Variants in MYLK observed in about 807,000 individuals in gnomAD.
The protein encoded by MYLK is myosin light chain kinase, also known as myosin light chain kinase, smooth muscle.
In MYLK, 106 loss-of-function variants were observed where a neutral mutation model predicts 203.4. The ratio of observed to expected loss-of-function variants is 0.52; its 90% CI spans 0.45 to 0.61. The LOEUF (loss-of-function observed/expected upper bound fraction) is 0.61, where lower values mean the gene tolerates loss of function less well. Among genes scored for constraint, MYLK ranks in the 20% least tolerant of loss-of-function variants. MYLK has a pLI of 0.00. For synonymous variants in MYLK, 867 were observed against 959.5 expected, an observed-to-expected ratio of 0.90 and a Z score of 1.78; for missense variants, 2,072 against 2,442.3, an observed-to-expected ratio of 0.85 and a Z score of 3.20.
chr3:123,620,577 G>A (rs2107894596), intron 31 of MYLK: 3 of 1,331,876 alleles, frequency 2.3e-6, no homozygotes, highest in South Asian at 1.6e-5. Context: ...GTGCGTTAAT[G>A]TGACTAAACA....
chr3:123,866,006 C>T (rs76841243), intron 2 of MYLK, among the ~76,000 whole-genome samples: 1 of 152,128 alleles, frequency 6.6e-6, no homozygotes, highest in South Asian at 2.1e-4. Flanking sequence ...CCCAGCTGAG[C>T]CCAGCCTTCA....
At chr3:123,835,163 A>C (rs1024350923) in intron 2 of MYLK, among the ~76,000 whole-genome samples, 1 of 152,234 alleles carries the variant, frequency 6.6e-6, no homozygotes, top group Non-Finnish European at 1.5e-5. Context: ...CTTGTTAGAA[A>C]TGCAGATTAT....
intron 4 of MYLK, among the ~76,000 whole-genome samples, chr3:123,763,078 C>T (rs1456793935): frequency 1.3e-5 from 2 of 152,192 alleles, no homozygotes; most frequent in East Asian, 1.9e-4. Context: ...TTGTGGTCTT[C>T]ACTACATTCT....
At chr3:123,803,843 G>A (rs2065277113) in intron 3 of MYLK, among the ~76,000 whole-genome samples, 1 of 152,238 alleles carries the variant, frequency 6.6e-6, no homozygotes, top group African/African-American at 2.4e-5. Context: ...CCACACCTGT[G>A]CAGTGATTCT....
At chr3:123,638,827 G>T in intron 28 of MYLK, 1 of 985,360 alleles carries the variant, frequency 1.0e-6, no homozygotes, top group Non-Finnish European at 1.2e-6. Flanking sequence ...TCAACCCCAG[G>T]GTGGTACCTC....
intron 2 of MYLK, among the ~76,000 whole-genome samples, chr3:123,856,526 G>T (rs909818590): frequency 6.6e-6 from 1 of 152,122 alleles, no homozygotes; most frequent in Non-Finnish European, 1.5e-5. Flanking sequence ...AATAATAACA[G>T]CCTTTATTTA....
chr3:123,620,648 T>G (rs2057805628), intron 31 of MYLK: 1 of 1,137,968 alleles, frequency 8.8e-7, no homozygotes, highest in African/African-American at 1.6e-5. Flanking sequence ...AAAGGGATGG[T>G]TTATATAAAG....
At chr3:123,733,479 C>G (rs41305000) in intron 10 of MYLK, among the ~76,000 whole-genome samples, 12 of 152,266 alleles carry the variant, frequency 7.9e-5, no homozygotes, top group Non-Finnish European at 1.5e-4. Flanking sequence ...AAACAACAGG[C>G]TACTGTTAGG....
At position 123,648,525 on chromosome 3, in the gene MYLK, C is replaced by T. The variant is rs1050678131; in HGVS notation, c.4415+446G>A. On this transcript the variant is annotated intron_variant, in intron 26 of 33. Coordinates refer to ENST00000360304, the MANE Select transcript of MYLK (RefSeq NM_053025.4). This position sits in a 1 kb window ranked among gnomAD's most constrained non-coding sequence, Gnocchi z 4.5. ...CCAGGGTACATGTGCAGGATGTGTACGTTACGTAGGTAAACGTGTGCCATG... is the reference window on the plus strand; with the variant it reads ...CCAGGGTACATGTGCAGGATGTGTATGTTACGTAGGTAAACGTGTGCCATG... Among the ~76,000 whole-genome samples the T allele has an allele frequency of 6.6e-6, 1 of 152,054 alleles. No individual in the cohort carries two copies. Among genetic ancestry groups the T allele is most frequent in the African/African-American group, 2.4e-5 (1 of 41,380 alleles).
intron 2 of MYLK, among the ~76,000 whole-genome samples, chr3:123,860,957 C>T (rs2031840813): frequency 6.6e-6 from 1 of 151,890 alleles, no homozygotes; most frequent in South Asian, 2.1e-4. Context: ...GGTGAAACCC[C>T]GTCTCTACTA....
At chr3:123,860,785 G>A (rs962089641) in intron 2 of MYLK, among the ~76,000 whole-genome samples, 2 of 152,038 alleles carry the variant, frequency 1.3e-5, no homozygotes, top group African/African-American at 4.8e-5. Flanking sequence ...GAATATTTTA[G>A]CTGAGCCAGT....
intron 2 of MYLK, among the ~76,000 whole-genome samples, chr3:123,835,029 T>C: frequency 6.6e-6 from 1 of 152,316 alleles, no homozygotes; most frequent in East Asian, 1.9e-4. Context: ...TTTATTTCTT[T>C]ATATGTCTAA....
intron 27 of MYLK, among the ~76,000 whole-genome samples, chr3:123,645,129 C>T (rs1281833403): frequency 6.6e-6 from 1 of 152,206 alleles, no homozygotes; most frequent in Non-Finnish European, 1.5e-5. Context: ...AATAACTCCC[C>T]ATTATAGAGC....
intron 2 of MYLK, among the ~76,000 whole-genome samples, chr3:123,874,118 A>G (rs2033002919): frequency 1.3e-5 from 2 of 152,168 alleles, no homozygotes; most frequent in South Asian, 4.1e-4. Context: ...GACTTCCATC[A>G]GGAATTTATG....
In MYLK at chr3:123,716,754, G is replaced by A. The variant is rs535778213; in HGVS notation, c.1804+5374C>T. Reference sequence around the variant, plus strand: ...CGATTCTGGATAGCATTCTTGATCTGGGTCTCTATGTAATTATGACTGACT... The same window carrying A: ...CGATTCTGGATAGCATTCTTGATCTAGGTCTCTATGTAATTATGACTGACT... On this transcript the variant is annotated intron_variant, in intron 13 of 33. Transcript: ENST00000360304. 5.3e-5 allele frequency among the ~76,000 whole-genome samples: 8 copies of A among 152,276 alleles called. No homozygotes were observed. In the South Asian group the frequency reaches 1.7e-3, roughly 32 times the overall value.
At chr3:123,736,428 C>CTTCCTGACCCCCGAG (rs1342432437) in intron 8 of MYLK, among the ~76,000 whole-genome samples, 1 of 152,092 alleles carries the variant, frequency 6.6e-6, no homozygotes. Flanking sequence ...AGCCACTTCC[C>CTTCCTGACCCCCGAG]TTCCTGACCC....
chr3:123,709,419 C>T (rs973075208), intron 14 of MYLK: 4 of 345,398 alleles, frequency 1.2e-5, no homozygotes, highest in Admixed American at 4.0e-5. Flanking sequence ...GGATTACAGG[C>T]GTGAGCCACC....
In MYLK at chr3:123,649,180, C is replaced by T. The variant is rs375433770; in HGVS notation, c.4303G>A (p.Val1435Met). 4.3e-6 allele frequency: 7 copies of T among 1,612,710 alleles called. No individual in the cohort carries two copies. The African/African-American group carries it at 6.7e-5, about 15-fold the overall frequency. Residue 1435 changes from valine to methionine, a missense_variant, in exon 25 of 34, where the codon GTG (valine) becomes ATG (methionine). Coordinates refer to ENST00000360304, the MANE Select transcript of MYLK (RefSeq NM_053025.4). Reference protein sequence around the residue: ...GEKPEEPKDEVEVSDDDEKEP... With the variant: ...GEKPEEPKDEMEVSDDDEKEP... Reference sequence around the variant, plus strand: ...CACTCACCATCATCTGACACCTCCACTTCATCCTTCGGCTCTGGGGGGGGC... The same window carrying T: ...CACTCACCATCATCTGACACCTCCATTTCATCCTTCGGCTCTGGGGGGGGC...
intron 19 of MYLK, among the ~76,000 whole-genome samples, chr3:123,684,067 AT>A (rs2060364845): frequency 6.6e-6 from 1 of 152,200 alleles, no homozygotes; most frequent in African/African-American, 2.4e-5. Context: ...GGATGATTTC[AT>A]TTTCTTACAC....
Sources: allele counts gnomAD v4.1 joint callset (sites outside exome capture counted in the v4.1 genomes callset), GRCh38; gene constraint gnomAD v4.1.1; non-coding constraint Gnocchi (gnomAD v3.1); transcripts MANE v1.5; gene names NCBI Gene and HGNC (gene_info 2026-07-23, HGNC 2026-07-21).